The following ASPH variants were observed in gnomAD, a reference collection of about 807,000 sequenced individuals.
The protein encoded by ASPH is aspartate beta-hydroxylase.
Under a neutral mutation model 118.4 loss-of-function variants are expected in ASPH, and 100 were observed. The ratio of observed to expected loss-of-function variants is 0.84; its 90% CI spans 0.72 to 1.00. The LOEUF is 1.00. Ranked by LOEUF, ASPH falls within the 50% of genes least tolerant of loss-of-function variation. The pLI, the probability that ASPH is intolerant of heterozygous loss-of-function variation, is 0.00. For synonymous variants in ASPH, 315 were observed against 325.6 expected, an observed-to-expected ratio of 0.97 and a Z score of 0.35; for missense variants, 920 against 919.5, an observed-to-expected ratio of 1.00 and a Z score of -0.01.
chr8:61,592,124 T>C (rs1327703272), intron 14 of ASPH, among the ~76,000 whole-genome samples: 1 of 152,176 alleles, frequency 6.6e-6, no homozygotes, highest in Non-Finnish European at 1.5e-5. Context: ...TTGCTTAATT[T>C]TGTTGAGCCT....
chr8:61,672,351 C>T (rs1333466123), intron 3 of ASPH, among the ~76,000 whole-genome samples: 1 of 151,950 alleles, frequency 6.6e-6, no homozygotes, highest in African/African-American at 2.4e-5. Flanking sequence ...AAAGGGATTA[C>T]ATCCAGAGAC....
intron 16 of ASPH, among the ~76,000 whole-genome samples, chr8:61,569,183 C>T (rs77968325): frequency 0.01 from 1,529 of 151,680 alleles, 33 homozygotes; most frequent in African/African-American, 0.035. Context: ...ATTTTCTTAA[C>T]GAAAAAAGAA....
chr8:61,543,253 T>C (rs1016488551), intron 21 of ASPH, among the ~76,000 whole-genome samples: 4 of 152,186 alleles, frequency 2.6e-5, no homozygotes, highest in Non-Finnish European at 5.9e-5. Context: ...GATTCCATTA[T>C]GCATATGCTG....
At chr8:61,506,715 T>C (rs546150083) in intron 24 of ASPH, among the ~76,000 whole-genome samples, 9 of 152,236 alleles carry the variant, frequency 5.9e-5, no homozygotes, top group African/African-American at 2.2e-4. Flanking sequence ...TTGGCAATAG[T>C]AGATATTCAA....
intron 24 of ASPH, among the ~76,000 whole-genome samples, chr8:61,516,329 C>T (rs933622255): frequency 3.9e-5 from 6 of 152,146 alleles, no homozygotes; most frequent in South Asian, 2.1e-4. Flanking sequence ...CTTCTATGAC[C>T]ACGGTGGCCT....
intron 3 of ASPH, among the ~76,000 whole-genome samples, chr8:61,671,466 G>A (rs1279393641): frequency 6.6e-6 from 1 of 152,128 alleles, no homozygotes; most frequent in Non-Finnish European, 1.5e-5. Context: ...AAACATCTTG[G>A]TATTTCTTAA....
intron 12 of ASPH, among the ~76,000 whole-genome samples, chr8:61,635,611 C>G (rs990612126): frequency 4.6e-5 from 7 of 151,944 alleles, no homozygotes; most frequent in African/African-American, 1.7e-4. Context: ...TTTGCACCAA[C>G]CTAATACATT....
intron 1 of ASPH, chr8:61,689,841 G>A (rs1832108630): frequency 2.2e-6 from 3 of 1,389,476 alleles, no homozygotes; most frequent in Non-Finnish European, 2.8e-6. Context: ...AGGGCCTCTA[G>A]AACTGAAATT....
At chr8:61,557,674 A>G (rs1316449650) in intron 18 of ASPH, among the ~76,000 whole-genome samples, 1 of 152,208 alleles carries the variant, frequency 6.6e-6, no homozygotes, top group African/African-American at 2.4e-5. Flanking sequence ...CTCATTGCTC[A>G]TCCCCACTGC....
At chr8:61,644,773 T>C (rs1807029978) in intron 6 of ASPH, 141 bp from the exon 7 acceptor site, 2 of 520,604 alleles carry the variant, frequency 3.8e-6, no homozygotes, top group Non-Finnish European at 6.2e-6. Flanking sequence ...AAAAGTCTGC[T>C]TAACACTTTT....
chr8:61,577,362 C>CA (rs11406205), intron 15 of ASPH, among the ~76,000 whole-genome samples: 32,306 of 57,156 alleles, frequency 0.57, 8,145 homozygotes, highest in African/African-American at 0.77. Context: ...AATAAAATGA[C>CA]AAAAAAAAAA....
intron 13 of ASPH, chr8:61,625,453 T>C: frequency 1.0e-6 from 1 of 985,306 alleles, no homozygotes; most frequent in African/African-American, 1.7e-5. Flanking sequence ...TTTATACAGG[T>C]TTTCTAAAAT....
intron 24 of ASPH, among the ~76,000 whole-genome samples, chr8:61,508,083 C>T (rs1290954046): frequency 6.6e-6 from 1 of 152,140 alleles, no homozygotes; most frequent in Non-Finnish European, 1.5e-5. Context: ...GGCACCATCA[C>T]AGCTCAATGC....
In ASPH at chr8:61,552,632, T is replaced by C. The variant is rs573718344; in HGVS notation, c.1626+399A>G. 2.0e-5 allele frequency among the ~76,000 whole-genome samples: 3 copies of C among 152,224 alleles called. No homozygotes were observed. The East Asian group carries it at 5.8e-4, about 29-fold the overall frequency. On this transcript the variant is annotated intron_variant, in intron 20 of 24. Coordinates refer to ENST00000379454, the MANE Select transcript of ASPH (RefSeq NM_004318.4). ...TCTAGTCAAACTGTTAAAATATTTC[T>C]AAAAATTTAAATTATTTCAGTGACA...
At chr8:61,616,435 C>G (rs1849064870) in intron 14 of ASPH, among the ~76,000 whole-genome samples, 1 of 152,202 alleles carries the variant, frequency 6.6e-6, no homozygotes, top group African/African-American at 2.4e-5. Flanking sequence ...GCCATGCCCA[C>G]CATTCGGACT....
At chr8:61,684,753 C>A (rs1037312075) in intron 1 of ASPH, 1 of 152,208 alleles carries the variant, frequency 6.6e-6, no homozygotes, top group Non-Finnish European at 1.5e-5. Flanking sequence ...GGTCTCACTG[C>A]AGGAAACAGC....
At chr8:61,537,692 T>C (rs920964713) in intron 21 of ASPH, among the ~76,000 whole-genome samples, 1 of 152,162 alleles carries the variant, frequency 6.6e-6, no homozygotes, top group African/African-American at 2.4e-5. Context: ...AGACAAATCA[T>C]GACCTACTGA....
At chr8:61,648,603 G>A (rs1166802131) in intron 5 of ASPH, among the ~76,000 whole-genome samples, 1 of 152,046 alleles carries the variant, frequency 6.6e-6, no homozygotes, top group Admixed American at 6.5e-5. Context: ...TTTCGTATGC[G>A]GTTGTTCAGT....
At chr8:61,571,844 T>TA (rs1251878957) in intron 16 of ASPH, among the ~76,000 whole-genome samples, 2 of 152,214 alleles carry the variant, frequency 1.3e-5, no homozygotes, top group African/African-American at 2.4e-5. Flanking sequence ...ATACTAGTGA[T>TA]AAAAAACACT....
Sources: gnomAD v4.1 joint callset for allele counts (sites outside exome capture counted in the v4.1 genomes callset) on GRCh38, gnomAD v4.1.1 for gene constraint, MANE v1.5 for transcripts, NCBI Gene and HGNC (gene_info 2026-07-23, HGNC 2026-07-21) for gene names.